The following C8orf34 variants were observed in gnomAD, a reference collection of about 807,000 sequenced individuals.
The protein encoded by C8orf34 is chromosome 8 open reading frame 34.
Under a neutral mutation model 68.3 loss-of-function variants are expected in C8orf34, and 65 were observed. The ratio of observed to expected loss-of-function variants is 0.95; its 90% CI spans 0.78 to 1.17. The LOEUF (loss-of-function observed/expected upper bound fraction) is 1.17, where lower values mean the gene tolerates loss of function less well. C8orf34 is among the 50% of genes most tolerant of loss of function. The pLI, the probability that C8orf34 is intolerant of heterozygous loss-of-function variation, is 0.00. For synonymous variants in C8orf34, 244 were observed against 241.2 expected, an observed-to-expected ratio of 1.01 and a Z score of -0.11; for missense variants, 664 against 655.4, an observed-to-expected ratio of 1.01 and a Z score of -0.14.
At chr8:68,777,632 T>A (rs1263383401) in intron 11 of C8orf34, among the ~76,000 whole-genome samples, 1 of 152,054 alleles carries the variant, frequency 6.6e-6, no homozygotes, top group Non-Finnish European at 1.5e-5. Flanking sequence ...AAAATCAACA[T>A]CCTAACATGA....
intron 7 of C8orf34, among the ~76,000 whole-genome samples, chr8:68,610,870 T>C (rs999825466): frequency 2.0e-5 from 3 of 149,682 alleles, no homozygotes. Context: ...GGTTTTTTTT[T>C]TTTTTTTTTT....
chr8:68,520,329 G>C (rs1261555993), intron 5 of C8orf34, among the ~76,000 whole-genome samples: 1 of 152,020 alleles, frequency 6.6e-6, no homozygotes, highest in African/African-American at 2.4e-5. Flanking sequence ...TTTGTATGTT[G>C]ATTATATATT....
intron 6 of C8orf34, among the ~76,000 whole-genome samples, chr8:68,525,042 T>C (rs1814917353): frequency 6.6e-6 from 1 of 152,136 alleles, no homozygotes; most frequent in African/African-American, 2.4e-5. Flanking sequence ...AATTTTATAA[T>C]TTAGAAATGT....
chr8:68,785,392 G>T (rs950931250), intron 11 of C8orf34, among the ~76,000 whole-genome samples: 1 of 141,948 alleles, frequency 7.0e-6, no homozygotes, highest in African/African-American at 2.9e-5. Context: ...TGAGAAACCT[G>T]GCTCCCCTCA....
At chr8:68,781,133 A>G (rs1585872802) in intron 11 of C8orf34, among the ~76,000 whole-genome samples, 1 of 152,346 alleles carries the variant, frequency 6.6e-6, no homozygotes, top group East Asian at 1.9e-4. Flanking sequence ...TCAGAATTAA[A>G]ACAGCCAATG....
intron 10 of C8orf34, among the ~76,000 whole-genome samples, chr8:68,774,327 G>GTATATATATATATATATATATATCTA (rs1332535200): frequency 1.0e-5 from 1 of 96,050 alleles, no homozygotes; most frequent in Non-Finnish European, 2.2e-5. Flanking sequence ...ATATGGGTGT[G>GTATATATATATATATATATATATCTA]TGTGTATATA....
intron 8 of C8orf34, among the ~76,000 whole-genome samples, chr8:68,693,853 T>G (rs1024354991): frequency 2.2e-4 from 33 of 152,088 alleles, no homozygotes; most frequent in Non-Finnish European, 8.8e-5. Flanking sequence ...AAGTAAGCCC[T>G]GGATGTGTTG....
At chr8:68,382,111 CAT>C (rs1808068301) in intron 1 of C8orf34, among the ~76,000 whole-genome samples, 1 of 152,112 alleles carries the variant, frequency 6.6e-6, no homozygotes, top group Non-Finnish European at 1.5e-5. Context: ...TACATGATAA[CAT>C]ATTTTATCTA....
chr8:68,558,776 T>C (rs990253583), intron 7 of C8orf34, among the ~76,000 whole-genome samples: 2 of 152,156 alleles, frequency 1.3e-5, no homozygotes, highest in Non-Finnish European at 2.9e-5. Context: ...GTTGAGGTCA[T>C]TGATTATGCT....
chr8:68,413,582 C>T (rs1809535264), intron 1 of C8orf34, among the ~76,000 whole-genome samples: 1 of 152,204 alleles, frequency 6.6e-6, no homozygotes, highest in South Asian at 2.1e-4. Flanking sequence ...CAATCCCTTG[C>T]TCATTGTCCC....
chr8:68,699,503 AG>A (rs1316774989), intron 8 of C8orf34, among the ~76,000 whole-genome samples: 2 of 152,060 alleles, frequency 1.3e-5, no homozygotes, highest in Non-Finnish European at 2.9e-5. Context: ...GAATGTCCCC[AG>A]GGTTGTCCTT....
intron 1 of C8orf34, among the ~76,000 whole-genome samples, chr8:68,353,911 A>G (rs534663827): frequency 2.2e-4 from 34 of 151,848 alleles, no homozygotes; most frequent in Non-Finnish European, 4.6e-4. Flanking sequence ...TATATAAGGA[A>G]CTTGAGATCT....
At chr8:68,529,339 G>A (rs1238549806) in intron 6 of C8orf34, among the ~76,000 whole-genome samples, 2 of 152,090 alleles carry the variant, frequency 1.3e-5, no homozygotes, top group South Asian at 2.1e-4. Flanking sequence ...CCAACCTCAA[G>A]TCTCAGCCCC....
chr8:68,444,156 C>A (rs923086079), intron 2 of C8orf34, among the ~76,000 whole-genome samples: 1 of 152,090 alleles, frequency 6.6e-6, no homozygotes. Flanking sequence ...ATTTTCTACA[C>A]TATCAGTTTT....
intron 1 of C8orf34, among the ~76,000 whole-genome samples, chr8:68,435,549 G>T (rs1179980831): frequency 6.6e-6 from 1 of 152,184 alleles, no homozygotes; most frequent in Non-Finnish European, 1.5e-5. Context: ...ATCTCAGTCA[G>T]CAGTGGAGGT....
chr8:68,614,329 A>G (rs1490820149), intron 7 of C8orf34, among the ~76,000 whole-genome samples: 1 of 152,102 alleles, frequency 6.6e-6, no homozygotes, highest in Admixed American at 6.6e-5. Context: ...TTTTGTTGCC[A>G]TTGCTTTTGG....
At chr8:68,811,536 A>G (rs1824652306) in intron 12 of C8orf34, among the ~76,000 whole-genome samples, 1 of 152,184 alleles carries the variant, frequency 6.6e-6, no homozygotes, top group African/African-American at 2.4e-5. Flanking sequence ...CCCCTACTAC[A>G]GCTGGTGTCT....
rs1378949981 is a variant in C8orf34 at position 68,818,476 on chromosome 8, A to G, written c.*230A>G. 4.0e-6 allele frequency: 2 copies of G among 505,578 alleles called. No homozygotes were observed. Among genetic ancestry groups the G allele is most frequent in the South Asian group, 7.9e-5 (2 of 25,204 alleles). 31.3% of individuals were successfully genotyped at this position (505,578 alleles called of 1,614,324 possible). A position where few individuals can be genotyped will look rare whatever the true frequency, so the allele number is the denominator to read the frequency against. ...GTCAGGAGGCCGGCTGCCTTTTGAC[A>G]TGGTTAGAGTCCTGGGTTTAGATTA... is the stretch of plus-strand genomic sequence containing the variant. On this transcript the variant is annotated 3_prime_UTR_variant, in exon 14 of 14. Transcript: ENST00000518698.
intron 12 of C8orf34, among the ~76,000 whole-genome samples, chr8:68,802,973 A>C (rs1824375695): frequency 6.6e-6 from 1 of 152,164 alleles, no homozygotes; most frequent in African/African-American, 2.4e-5. Flanking sequence ...AGGAAATAGA[A>C]AATCTGAGTA....
Sources: allele counts gnomAD v4.1 joint callset (sites outside exome capture counted in the v4.1 genomes callset), GRCh38; gene constraint gnomAD v4.1.1; transcripts MANE v1.5; gene names NCBI Gene and HGNC (gene_info 2026-07-23, HGNC 2026-07-21).